NTRK3: variants seen among roughly 807,000 people sequenced by gnomAD.
NTRK3 encodes the protein neurotrophic receptor tyrosine kinase 3, also known as NT-3 growth factor receptor.
In NTRK3, 24 loss-of-function variants were observed where a neutral mutation model predicts 91.7. The observed-to-expected ratio is 0.26, with a 90% CI of 0.19 to 0.37. The LOEUF (loss-of-function observed/expected upper bound fraction) is 0.37. Ranked by LOEUF, NTRK3 falls within the 10% of genes least tolerant of loss-of-function variation. The pLI is 1.00. For missense variants in NTRK3, 880 were observed against 1,068.9 expected (o/e 0.82, Z 2.46); for synonymous variants, 483 against 404.0 (o/e 1.20, Z -2.34).
intron 3 of NTRK3, among the ~76,000 whole-genome samples, chr15:88,186,218 C>T (rs1040482247): frequency 6.6e-6 from 1 of 152,226 alleles, no homozygotes; most frequent in Admixed American, 6.5e-5. Flanking sequence ...CTGCTCCCAA[C>T]AAGCAACTTT....
At chr15:88,106,186 G>A (rs1294294560) in intron 13 of NTRK3, among the ~76,000 whole-genome samples, 1 of 152,230 alleles carries the variant, frequency 6.6e-6, no homozygotes, top group African/African-American at 2.4e-5. Context: ...ACCCATAATT[G>A]CTAATGGATG....
At chr15:87,920,892 G>T (rs575188116) in intron 17 of NTRK3, among the ~76,000 whole-genome samples, 1 of 152,122 alleles carries the variant, frequency 6.6e-6, no homozygotes. Flanking sequence ...GTTTGGTATC[G>T]CAGAGTGAAT....
At chr15:88,179,767 T>C (rs2046302393) in intron 5 of NTRK3, among the ~76,000 whole-genome samples, 1 of 152,198 alleles carries the variant, frequency 6.6e-6, no homozygotes, top group Non-Finnish European at 1.5e-5. Flanking sequence ...AGCTCATCAG[T>C]TTCAGTTCCT....
intron 5 of NTRK3, among the ~76,000 whole-genome samples, chr15:88,161,476 T>C (rs568457863): frequency 8.5e-5 from 13 of 152,216 alleles, no homozygotes; most frequent in Non-Finnish European, 1.5e-4. Flanking sequence ...GATTCTTAGG[T>C]AAAATTTGGA....
chr15:88,055,179 G>A (rs1445203904), intron 13 of NTRK3, among the ~76,000 whole-genome samples: 1 of 152,150 alleles, frequency 6.6e-6, no homozygotes, highest in Non-Finnish European at 1.5e-5. Flanking sequence ...CTTCTGCAGA[G>A]GAACTCGAAG....
intron 15 of NTRK3, 62 bp downstream of exon 15, chr15:87,940,561 C>T (rs2069731665): frequency 3.7e-6 from 6 of 1,609,896 alleles, no homozygotes; most frequent in East Asian, 2.2e-5. Flanking sequence ...GGAGCCTCTT[C>T]CTTCCCTCCC....
intron 15 of NTRK3, 24 bp downstream of exon 15, chr15:87,940,599 T>G (rs2142016702): frequency 6.2e-7 from 1 of 1,613,090 alleles, no homozygotes; most frequent in Non-Finnish European, 8.5e-7. Flanking sequence ...CTCCTCCTGG[T>G]GCCGGCATGC....
intron 16 of NTRK3, 25 bp from the exon 17 acceptor site, chr15:87,929,459 G>C (rs1029286633): frequency 9.9e-6 from 16 of 1,612,332 alleles, no homozygotes; most frequent in Non-Finnish European, 1.3e-5. Flanking sequence ...GGAGAAGAGA[G>C]GGGGCAGAGA....
chr15:87,882,111 G>T (rs2065289323), intron 17 of NTRK3, among the ~76,000 whole-genome samples: 1 of 151,756 alleles, frequency 6.6e-6, no homozygotes, highest in Non-Finnish European at 1.5e-5. Flanking sequence ...GGTCAGGCTG[G>T]TCTCAAACTC....
chr15:88,207,480 A>G (rs1597957374), intron 3 of NTRK3, among the ~76,000 whole-genome samples: 1 of 152,232 alleles, frequency 6.6e-6, no homozygotes, highest in East Asian at 1.9e-4. Context: ...TCAAGATGAA[A>G]TACACACAGC....
chr15:87,874,387 A>T (rs2064896974), exon 19 of NTRK3: 1 of 229,872 alleles, frequency 4.4e-6, no homozygotes, highest in East Asian at 6.2e-5. Context: ...GGTGGCAGCA[A>T]TCTGACAACT....
intron 14 of NTRK3, among the ~76,000 whole-genome samples, chr15:88,016,967 A>C (rs2077278609): frequency 1.3e-5 from 2 of 151,016 alleles, no homozygotes; most frequent in Admixed American, 1.3e-4. Context: ...AAAAAAAAAA[A>C]AAAAAAAAAA....
intron 14 of NTRK3, among the ~76,000 whole-genome samples, chr15:88,005,437 G>C (rs111504272): frequency 7.2e-5 from 11 of 152,116 alleles, no homozygotes; most frequent in Non-Finnish European, 1.6e-4. Flanking sequence ...CCAGCAAAGG[G>C]CCTGCCCTTA....
intron 17 of NTRK3, among the ~76,000 whole-genome samples, chr15:87,888,400 G>A (rs2065670995): frequency 6.6e-6 from 1 of 152,088 alleles, no homozygotes; most frequent in Non-Finnish European, 1.5e-5. Flanking sequence ...GAGACAAGAG[G>A]TACCTGATCA....
intron 17 of NTRK3, among the ~76,000 whole-genome samples, chr15:87,889,713 G>A (rs1475913298): frequency 1.3e-5 from 2 of 152,040 alleles, no homozygotes; most frequent in Admixed American, 6.5e-5. Context: ...AGAGTTGGGT[G>A]GCCCCTGACT....
chr15:88,091,924 C>G (rs1034635773), intron 13 of NTRK3, among the ~76,000 whole-genome samples: 4 of 152,220 alleles, frequency 2.6e-5, no homozygotes, highest in African/African-American at 9.6e-5. Context: ...GTTAGCAAAA[C>G]CACCATGAAT....
At chr15:88,001,890 C>G (rs2076121234) in intron 14 of NTRK3, among the ~76,000 whole-genome samples, 1 of 152,098 alleles carries the variant, frequency 6.6e-6, no homozygotes, top group Admixed American at 6.5e-5. Context: ...TGAATTTTGA[C>G]AGACTGTGGT....
At chr15:87,930,050 C>T (rs555700849) in intron 16 of NTRK3, among the ~76,000 whole-genome samples, 1 of 152,284 alleles carries the variant, frequency 6.6e-6, no homozygotes, top group Non-Finnish European at 1.5e-5. Context: ...TGAGCTTGCT[C>T]ATTTGCATCT....
At chr15:87,863,621 T>C (rs1033541172) in exon 19 of NTRK3, 9 of 222,482 alleles carry the variant, frequency 4.0e-5, no homozygotes, top group Non-Finnish European at 5.4e-5. Context: ...AAAGTACTGA[T>C]GTGGTAGCTC....
Sources: allele counts gnomAD v4.1 joint callset (sites outside exome capture counted in the v4.1 genomes callset), GRCh38; gene constraint gnomAD v4.1.1; transcripts MANE v1.5; gene names NCBI Gene and HGNC (gene_info 2026-07-23, HGNC 2026-07-21).